ENPP6: variants seen among roughly 807,000 people sequenced by gnomAD.
ENPP6 encodes the protein glycerophosphocholine cholinephosphodiesterase ENPP6.
In ENPP6, 32 loss-of-function variants were observed where a neutral mutation model predicts 42.0. The ratio of observed to expected loss-of-function variants is 0.76; its 90% confidence interval spans 0.58 to 1.02. The LOEUF is 1.02. ENPP6 is among the 50% of genes least tolerant of loss of function. ENPP6 has a pLI of 0.00. For missense variants in ENPP6, 552 were observed against 566.8 expected, an observed-to-expected ratio of 0.97 and a Z score of 0.27; for synonymous variants, 213 against 216.0, an observed-to-expected ratio of 0.99 and a Z score of 0.12.
intron 1 of ENPP6, among the ~76,000 whole-genome samples, chr4:184,214,855 G>A (rs1040654433): frequency 1.3e-5 from 2 of 152,164 alleles, no homozygotes; most frequent in African/African-American, 4.8e-5. Flanking sequence ...CAGGGAGGGA[G>A]AGCATTAGGA....
chr4:184,166,880 G>T (rs1232218386), intron 1 of ENPP6, among the ~76,000 whole-genome samples: 1 of 152,228 alleles, frequency 6.6e-6, no homozygotes, highest in Middle Eastern at 3.2e-3. Context: ...CAGGTTGGCT[G>T]CGTTCCTCAC....
chr4:184,143,966 C>G (rs1243780898), intron 2 of ENPP6, among the ~76,000 whole-genome samples: 1 of 152,214 alleles, frequency 6.6e-6, no homozygotes, highest in African/African-American at 2.4e-5. Context: ...CCTCTCTGTC[C>G]CACCACAGCG....
At chr4:184,158,715 C>T (rs774859593) in intron 1 of ENPP6, among the ~76,000 whole-genome samples, 17 of 152,150 alleles carry the variant, frequency 1.1e-4, no homozygotes, top group African/African-American at 2.7e-4. Flanking sequence ...GATTGGCTTT[C>T]GACATCTTAT....
intron 1 of ENPP6, among the ~76,000 whole-genome samples, chr4:184,155,559 G>A (rs1264173175): frequency 2.0e-5 from 3 of 152,168 alleles, no homozygotes; most frequent in African/African-American, 7.2e-5. Context: ...CCAAAGAAGA[G>A]CCTCTGAATG....
chr4:184,104,947 A>T (rs563114200), intron 6 of ENPP6, among the ~76,000 whole-genome samples: 1 of 152,312 alleles, frequency 6.6e-6, no homozygotes, highest in East Asian at 1.9e-4. Flanking sequence ...CAAGCTGGAG[A>T]ACATTAGCAA....
At chr4:184,175,024 C>T (rs969901142) in intron 1 of ENPP6, among the ~76,000 whole-genome samples, 18 of 152,336 alleles carry the variant, frequency 1.2e-4, no homozygotes, top group Non-Finnish European at 1.8e-4. Context: ...CCTAACAAGG[C>T]GCTGGGCTCA....
intron 2 of ENPP6, among the ~76,000 whole-genome samples, chr4:184,127,436 GA>G (rs1415070623): frequency 6.6e-6 from 1 of 152,122 alleles, no homozygotes; most frequent in Admixed American, 6.5e-5. Context: ...GTATGAAGAT[GA>G]GAGTTTTAAA....
At chr4:184,217,440 A>T (rs1174469301) in intron 1 of ENPP6, 139 bp downstream of exon 1, 12 of 1,256,776 alleles carry the variant, frequency 9.5e-6, no homozygotes, top group Admixed American at 2.7e-5. Context: ...AAGAACACAG[A>T]TTTTTTTTAT....
chr4:184,131,154 T>C (rs1736607402), intron 2 of ENPP6, among the ~76,000 whole-genome samples: 3 of 50,344 alleles, frequency 6.0e-5, no homozygotes, highest in South Asian at 1.5e-3. Flanking sequence ...TCTTTCTTTC[T>C]TTCTTTCTTT....
At chr4:184,206,211 G>A (rs1033071906) in intron 1 of ENPP6, among the ~76,000 whole-genome samples, 1 of 150,418 alleles carries the variant, frequency 6.6e-6, no homozygotes. Flanking sequence ...GGAGCTGTGC[G>A]TATGCAGAGT....
At chr4:184,097,489 G>GAT (rs1735932271) in intron 6 of ENPP6, 121 bp from the exon 7 acceptor site, 1 of 1,422,646 alleles carries the variant, frequency 7.0e-7, no homozygotes, top group Middle Eastern at 2.5e-4. Flanking sequence ...GACTGACCCA[G>GAT]ACTGACCCAA....
intron 2 of ENPP6, among the ~76,000 whole-genome samples, chr4:184,149,851 A>G (rs1736993547): frequency 1.3e-5 from 2 of 152,144 alleles, no homozygotes; most frequent in African/African-American, 2.4e-5. Context: ...TTTCTACACC[A>G]TATCTTACTA....
At chr4:184,129,164 G>T (rs1223609507) in intron 2 of ENPP6, among the ~76,000 whole-genome samples, 1 of 152,046 alleles carries the variant, frequency 6.6e-6, no homozygotes, top group Non-Finnish European at 1.5e-5. Flanking sequence ...ACAGGAAAAA[G>T]AAATAAGAAA....
chr4:184,211,800 G>C (rs1733117821), intron 1 of ENPP6, among the ~76,000 whole-genome samples: 1 of 151,612 alleles, frequency 6.6e-6, no homozygotes, highest in South Asian at 2.1e-4. Flanking sequence ...GAGAATTTTA[G>C]ACCAATATCC....
At chr4:184,156,896 C>T (rs964083366) in intron 1 of ENPP6, among the ~76,000 whole-genome samples, 3 of 152,252 alleles carry the variant, frequency 2.0e-5, no homozygotes, top group Non-Finnish European at 4.4e-5. Flanking sequence ...TATGTTTCAT[C>T]TCAGAAATGG....
chr4:184,148,259 G>A (rs1259722453), intron 2 of ENPP6, among the ~76,000 whole-genome samples: 1 of 152,096 alleles, frequency 6.6e-6, no homozygotes, highest in Non-Finnish European at 1.5e-5. Flanking sequence ...ACCCTTTAAA[G>A]ATGTTTTGTG....
rs1031949132 is a variant in ENPP6 at position 184,123,190 on chromosome 4, T to C, written c.533+971A>G. Among the ~76,000 whole-genome samples, 10 of 152,184 alleles carry C rather than the reference T, an allele frequency of 6.6e-5. No homozygotes were observed. In the East Asian group the frequency reaches 1.9e-3, roughly 29 times the overall value. On this transcript the variant is annotated intron_variant, in intron 3 of 7. Transcript: ENST00000296741. ...CTGTGGGGGTGGCTGCTGCTCACCA[T>C]GGCATCGGAAGGGCGTGGCAAGAAG...
intron 1 of ENPP6, among the ~76,000 whole-genome samples, chr4:184,192,750 A>T (rs1194091723): frequency 6.6e-6 from 1 of 152,244 alleles, no homozygotes; most frequent in East Asian, 1.9e-4. Context: ...ACAACTAAAA[A>T]TAAAATGACA....
chr4:184,106,095 C>T (rs111663541), intron 6 of ENPP6, among the ~76,000 whole-genome samples: 2,754 of 151,028 alleles, frequency 0.018, 79 homozygotes, highest in Middle Eastern at 0.058. Flanking sequence ...AGTGCAGTGG[C>T]GCAGTCTTGG....
Sources: allele counts gnomAD v4.1 joint callset (sites outside exome capture counted in the v4.1 genomes callset), GRCh38; gene constraint gnomAD v4.1.1; transcripts MANE v1.5; gene names NCBI Gene and HGNC (gene_info 2026-07-23, HGNC 2026-07-21).